LORICRIN: variants seen among roughly 807,000 people sequenced by gnomAD.
The protein encoded by LORICRIN is loricrin cornified envelope precursor protein.
In LORICRIN, 5 loss-of-function variants were observed where a neutral mutation model predicts 3.3. The observed-to-expected ratio is 1.52, with a 90% CI of 0.79 to 3.19. LORICRIN has a LOEUF of 3.19. LORICRIN is among the 30% of genes most tolerant of loss of function. The pLI is 0.00. For missense variants in LORICRIN, 524 were observed against 460.2 expected (o/e 1.14, Z -1.27); for synonymous variants, 237 against 231.4 (o/e 1.02, Z -0.22).
Position 153,261,652 on chromosome 1 carries a change from A to G in LORICRIN, c.703A>G (p.Ser235Gly), listed in dbSNP as rs1164821966. The change falls in exon 2 of 2, where the codon AGC becomes GGC. Residue 235 changes from serine (S) to glycine (G), a missense_variant. Physicochemically the swap from Ser to Gly is moderately conservative, Grantham distance 56. Transcript: ENST00000368742. ...AGGGGGGTCGTCCGGCGGCGGCGGC[A>G]GCGGCGGAAGCGGCTGCTTCTCCAG... ...YGGGSSGGGG[S>G]GGSGCFSSGG... 2.1e-6 allele frequency: 3 copies of G among 1,421,308 alleles called. No individual in the cohort carries two copies. The highest frequency in any genetic ancestry group is 2.9e-5 in the East Asian group (1 of 34,368). 88.0% of individuals were successfully genotyped at this position (1,421,308 alleles called of 1,614,324 possible). A position where few individuals can be genotyped will look rare whatever the true frequency, so the allele number is the denominator to read the frequency against.
rs1254367552 is a variant in LORICRIN, at chr1:153,261,913, A to C, written c.*25A>C. The C allele has an allele frequency of 6.2e-7, 1 of 1,604,242 alleles. No individual in the cohort carries two copies. Among genetic ancestry groups the C allele is most frequent in the Admixed American group, 1.7e-5 (1 of 58,976 alleles). On this transcript the variant is annotated 3_prime_UTR_variant, in exon 2 of 2. Transcript: ENST00000368742. ...GATCCCCCAGGGTACCACGGAGGCG[A>C]AGGAGTTGGAGGTGTTTTCCAGGGG...
In LORICRIN at chr1:153,261,840, C is replaced by T. The variant is rs1658815722; in HGVS notation, c.891C>T (p.Ile297=). Residue 297 remains isoleucine, a synonymous_variant, in exon 2 of 2, where the codon ATC becomes ATT. Coordinates refer to ENST00000368742, the MANE Select transcript of LORICRIN (RefSeq NM_000427.3). ...CCGGGAGTGGCAAGGGCGTCCCGAT[C>T]TGCCACCAGACCCAGCAGAAGCAGG... ...GGSGSGKGVP[I]CHQTQQKQAP... is the part of the protein sequence containing the mutation. The T allele has an allele frequency of 3.7e-6, 6 of 1,611,528 alleles. No individual in the cohort carries two copies. Among genetic ancestry groups the T allele is most frequent in the Non-Finnish European group, 4.2e-6 (5 of 1,179,504 alleles).
intron 1 of LORICRIN, among the ~76,000 whole-genome samples, chr1:153,260,615 C>A (rs1658743199): frequency 1.3e-5 from 2 of 152,178 alleles, no homozygotes; most frequent in Non-Finnish European, 2.9e-5. Flanking sequence ...CAAACCCTTT[C>A]ATTTAACAGG....
In LORICRIN at chr1:153,260,990, T is replaced by C. The variant is rs759946658; in HGVS notation, c.41T>C (p.Val14Ala). The change falls in exon 2 of 2, where the codon GTG (valine) becomes GCG (alanine). Residue 14 changes from valine to alanine, a missense_variant. By Grantham distance (64) the Val-to-Ala change is moderately conservative. Coordinates refer to ENST00000368742, the MANE Select transcript of LORICRIN (RefSeq NM_000427.3). ...QKKQPTPQPP[V>A]DCVKTSGGGG... Reference sequence around the variant, plus strand: ...AAGCAGCCCACCCCTCAGCCCCCAGTGGACTGCGTGAAGACCTCTGGCGGC... The same window carrying C: ...AAGCAGCCCACCCCTCAGCCCCCAGCGGACTGCGTGAAGACCTCTGGCGGC... The C allele has an allele frequency of 3.1e-6, 5 of 1,593,264 alleles. No homozygotes were observed. The highest frequency in any genetic ancestry group is 1.7e-5 in the Admixed American group (1 of 57,856).
At position 153,261,878 on chromosome 1, in the gene LORICRIN, C is replaced by T. The variant is rs1291098844; in HGVS notation, c.929C>T (p.Pro310Leu). 2 of 1,611,166 alleles carry T rather than the reference C, an allele frequency of 1.2e-6. No individual in the cohort carries two copies. The highest frequency in any genetic ancestry group is 8.5e-7 in the Non-Finnish European group (1 of 1,179,310). The change falls in exon 2 of 2, where the codon CCG becomes CTG. Residue 310 changes from proline (P) to leucine (L), a missense_variant. Coordinates refer to ENST00000368742, the MANE Select transcript of LORICRIN (RefSeq NM_000427.3). ...CAGCAGAAGCAGGCGCCTACCTGGC[C>T]GTCCAAATAGATCCCCCAGGGTACC... ...QTQQKQAPTWPSK is the reference protein window; with the variant it reads ...QTQQKQAPTWLSK
chr1:153,261,423 C>A lies in LORICRIN; in HGVS notation c.474C>A (p.Cys158Ter). Reference sequence around the variant, plus strand: ...GCTTCTCGGGCCAGGCGGTCCAGTGCCAGAGCTACGGAGGCGTCTCTAGCG... The same window carrying A: ...GCTTCTCGGGCCAGGCGGTCCAGTGACAGAGCTACGGAGGCGTCTCTAGCG... The part of the protein sequence containing the change: ...GGGFSGQAVQ[C>*]QSYGGVSSGG... The change falls in exon 2 of 2, where the codon TGC (cysteine) becomes TGA (stop). Residue 158 changes from cysteine (C) to a stop codon, truncating the protein, a stop_gained. Coordinates refer to ENST00000368742, the MANE Select transcript of LORICRIN (RefSeq NM_000427.3). LOFTEE classifies it low-confidence loss of function (END_TRUNC). 1 of 1,496,360 alleles carries A rather than the reference C, an allele frequency of 6.7e-7. No homozygotes were observed. Among genetic ancestry groups the A allele is most frequent in the South Asian group, 1.3e-5 (1 of 80,000 alleles). 92.7% of individuals were successfully genotyped at this position (1,496,360 alleles called of 1,614,324 possible). A position where few individuals can be genotyped will look rare whatever the true frequency, so the allele number is the denominator to read the frequency against.
rs541998140 is a variant in LORICRIN at position 153,260,807 on chromosome 1, G to T, written c.-23-120G>T. 8.9e-5 allele frequency: 57 copies of T among 641,104 alleles called. No individual in the cohort carries two copies. In the South Asian group the frequency reaches 1.4e-3, roughly 16 times the overall value. 39.7% of individuals were successfully genotyped at this position (641,104 alleles called of 1,614,324 possible). ...AGCAGCAATCATAAGAAACCCCGCT[G>T]AGGGCTCTCCGGGCACCTGAAGGAG... On this transcript the variant is annotated intron_variant, in intron 1 of 1. Coordinates refer to ENST00000368742, the MANE Select transcript of LORICRIN (RefSeq NM_000427.3).
Position 153,261,807 on chromosome 1 carries a change from G to C in LORICRIN, c.858G>C (p.Val286=). The change falls in exon 2 of 2, where the codon GTG becomes GTC. Residue 286 remains valine, a synonymous_variant. Coordinates refer to ENST00000368742, the MANE Select transcript of LORICRIN (RefSeq NM_000427.3). ...SSGGGGGGSS[V]GGSGSGKGVP... is the part of the protein sequence containing the mutation. The stretch of plus-strand genomic sequence containing the variant: ...GAGGCGGCGGCGGCGGCTCCTCCGT[G>C]GGTGGCTCCGGGAGTGGCAAGGGCG... The C allele has an allele frequency of 6.2e-7, 1 of 1,609,414 alleles. No individual in the cohort carries two copies. The highest frequency in any genetic ancestry group is 8.5e-7 in the Non-Finnish European group (1 of 1,178,676).
chr1:153,261,463 G>A lies in LORICRIN; in HGVS notation c.514G>A (p.Gly172Ser), dbSNP rs1348472208. ...GGVSSGGSSG[G>S]GSGCFSSGGG... ...CGTCTCTAGCGGCGGCTCCTCCGGG[G>A]GCGGCTCCGGCTGCTTCTCCAGCGG... The change falls in exon 2 of 2, where the codon GGC becomes AGC. Residue 172 changes from glycine to serine, a missense_variant. Physicochemically the swap from Gly to Ser is moderately conservative, Grantham distance 56. Coordinates refer to ENST00000368742, the MANE Select transcript of LORICRIN (RefSeq NM_000427.3). 9.3e-6 allele frequency: 14 copies of A among 1,503,960 alleles called. No individual in the cohort carries two copies. In the East Asian group the frequency reaches 3.4e-4, roughly 37 times the overall value. The allele number at this position is 1,503,960 out of a possible 1,614,324, so 93.2% of individuals were successfully genotyped here. A position where few individuals can be genotyped will look rare whatever the true frequency, so the allele number is the denominator to read the frequency against.
Position 153,261,926 on chromosome 1 carries a change from T to A in LORICRIN, c.*38T>A. The A allele has an allele frequency of 6.3e-7, 1 of 1,593,334 alleles. No homozygotes were observed. The highest frequency in any genetic ancestry group is 1.1e-5 in the South Asian group (1 of 88,644). On this transcript the variant is annotated 3_prime_UTR_variant, in exon 2 of 2. Transcript: ENST00000368742. Reference sequence around the variant, plus strand: ...ACCACGGAGGCGAAGGAGTTGGAGGTGTTTTCCAGGGGCACCGATGGGCTT... The same window carrying A: ...ACCACGGAGGCGAAGGAGTTGGAGGAGTTTTCCAGGGGCACCGATGGGCTT...
chr1:153,262,099 T>C lies in LORICRIN; in HGVS notation c.*211T>C. 1 of 629,338 alleles carries C rather than the reference T, an allele frequency of 1.6e-6. No homozygotes were observed. The highest frequency in any genetic ancestry group is 2.8e-6 in the Non-Finnish European group (1 of 351,068). 39.0% of individuals were successfully genotyped at this position (629,338 alleles called of 1,614,324 possible). On this transcript the variant is annotated 3_prime_UTR_variant, in exon 2 of 2. Transcript: ENST00000368742. ...CTACCTCCCAACCCCAGTGCCTCAG[T>C]CAATAAATTTGCAAATTCATGAGAA...
rs748330372 is a variant in LORICRIN, at chr1:153,261,551, C to G, written c.602C>G (p.Ser201Cys). 1.1e-6 allele frequency: 1 copy of G among 940,570 alleles called. No individual in the cohort carries two copies. The highest frequency in any genetic ancestry group is 1.5e-6 in the Non-Finnish European group (1 of 650,400). 58.3% of individuals were successfully genotyped at this position (940,570 alleles called of 1,614,324 possible). The change falls in exon 2 of 2, where the codon TCT (serine) becomes TGT (cysteine). Residue 201 changes from serine to cysteine, a missense_variant. Transcript: ENST00000368742. ...GGCTCTGGCTGCGGCGGAGGCTCCT[C>G]TGGCGGCAGCGGCTCCGGCTACGTC... is the stretch of plus-strand genomic sequence containing the variant. ...GGGSGCGGGSSGGSGSGYVSS... is the reference protein window; with the variant it reads ...GGGSGCGGGSCGGSGSGYVSS...
In LORICRIN at chr1:153,261,100, T is replaced by G; in HGVS notation, c.151T>G (p.Cys51Gly). 4 of 1,423,694 alleles carry G rather than the reference T, an allele frequency of 2.8e-6. No individual in the cohort carries two copies. The highest frequency in any genetic ancestry group is 3.7e-6 in the Non-Finnish European group (4 of 1,089,188). The allele number at this position is 1,423,694 out of a possible 1,614,324, so 88.2% of individuals were successfully genotyped here. Residue 51 changes from cysteine to glycine, a missense_variant, in exon 2 of 2, where the codon TGC becomes GGC. Coordinates refer to ENST00000368742, the MANE Select transcript of LORICRIN (RefSeq NM_000427.3). ...AGGGGGCGGTAGCAGCGGTTCTGGC[T>G]GCGGCTACTCCGGCGGCGGTGGCTA... ...GSGGGSSGSG[C>G]GYSGGGGYSG...
rs371327758 is a variant in LORICRIN, at chr1:153,261,024, T to C, written c.75T>C (p.Gly25=). 5 of 1,558,390 alleles carry C rather than the reference T, an allele frequency of 3.2e-6. No individual in the cohort carries two copies. Among genetic ancestry groups the C allele is most frequent in the East Asian group, 2.4e-5 (1 of 41,222 alleles). The change falls in exon 2 of 2, where the codon GGT becomes GGC. Residue 25 remains glycine (G), a synonymous_variant. Coordinates refer to ENST00000368742, the MANE Select transcript of LORICRIN (RefSeq NM_000427.3). ...TGAAGACCTCTGGCGGCGGTGGCGG[T>C]GGCGGCGGCAGCGGCGGTGGTGGCT... is the stretch of plus-strand genomic sequence containing the variant. The part of the protein sequence containing the change: ...DCVKTSGGGG[G]GGGSGGGGCG...
chr1:153,261,936 G>A lies in LORICRIN; in HGVS notation c.*48G>A, dbSNP rs553745642. 3 of 1,555,346 alleles carry A rather than the reference G, an allele frequency of 1.9e-6. No homozygotes were observed. Among genetic ancestry groups the A allele is most frequent in the African/African-American group, 1.4e-5 (1 of 73,812 alleles). On this transcript the variant is annotated 3_prime_UTR_variant, in exon 2 of 2. Coordinates refer to ENST00000368742, the MANE Select transcript of LORICRIN (RefSeq NM_000427.3). ...CGAAGGAGTTGGAGGTGTTTTCCAG[G>A]GGCACCGATGGGCTTAGAGCTCTCA...
At chr1:153,260,801 C>G (rs1658747426) in intron 1 of LORICRIN, 126 bp from the exon 2 acceptor site, 5 of 601,820 alleles carry the variant, frequency 8.3e-6, no homozygotes, top group Non-Finnish European at 8.5e-6. Flanking sequence ...CATAAGAAAC[C>G]CCGCTGAGGG....
chr1:153,261,450 C>T lies in LORICRIN; in HGVS notation c.501C>T (p.Gly167=). Residue 167 remains glycine, a synonymous_variant, in exon 2 of 2, where the codon GGC becomes GGT. Transcript: ENST00000368742. ...QCQSYGGVSS[G]GSSGGGSGCF... ...AGAGCTACGGAGGCGTCTCTAGCGG[C>T]GGCTCCTCCGGGGGCGGCTCCGGCT... 2 of 1,504,910 alleles carry T rather than the reference C, an allele frequency of 1.3e-6. No individual in the cohort carries two copies. The highest frequency in any genetic ancestry group is 1.8e-6 in the Non-Finnish European group (2 of 1,134,790). The allele number at this position is 1,504,910 out of a possible 1,614,324, so 93.2% of individuals were successfully genotyped here.
chr1:153,261,032 G>GCGA lies in LORICRIN; in HGVS notation c.84_85insGAC (p.Gly28_Ser29insAsp). 1 of 1,507,896 alleles carries GCGA rather than the reference G, an allele frequency of 6.6e-7. No individual in the cohort carries two copies. Among genetic ancestry groups the GCGA allele is most frequent in the Non-Finnish European group, 9.1e-7 (1 of 1,104,136 alleles). The allele number at this position is 1,507,896 out of a possible 1,614,324, so 93.4% of individuals were successfully genotyped here. A position where few individuals can be genotyped will look rare whatever the true frequency, so the allele number is the denominator to read the frequency against. ...TCTGGCGGCGGTGGCGGTGGCGGCG[G>GCGA]CAGCGGCGGTGGTGGCTGCGGCTTC... On this transcript the variant is annotated inframe_insertion, in exon 2 of 2. Transcript: ENST00000368742.
rs1571080697 is a variant in LORICRIN at position 153,261,448 on chromosome 1, G to A, written c.499G>A (p.Gly167Ser). The A allele has an allele frequency of 1.3e-6, 2 of 1,502,412 alleles. No individual in the cohort carries two copies. The highest frequency in any genetic ancestry group is 5.3e-5 in the East Asian group (2 of 37,410). The allele number at this position is 1,502,412 out of a possible 1,614,324, so 93.1% of individuals were successfully genotyped here. A position where few individuals can be genotyped will look rare whatever the true frequency, so the allele number is the denominator to read the frequency against. The change falls in exon 2 of 2, where the codon GGC becomes AGC. Residue 167 changes from glycine to serine, a missense_variant. Physicochemically the swap from Gly to Ser is moderately conservative, Grantham distance 56. Transcript: ENST00000368742. ...CCAGAGCTACGGAGGCGTCTCTAGC[G>A]GCGGCTCCTCCGGGGGCGGCTCCGG... is the stretch of plus-strand genomic sequence containing the variant. ...QCQSYGGVSS[G>S]GSSGGGSGCF...
Sources: allele counts gnomAD v4.1 joint callset (sites outside exome capture counted in the v4.1 genomes callset), GRCh38; gene constraint gnomAD v4.1.1; transcripts MANE v1.5; gene names NCBI Gene and HGNC (gene_info 2026-07-23, HGNC 2026-07-21).